FBN1: variants seen among roughly 807,000 people sequenced by gnomAD.
FBN1 encodes fibrillin-1.
A neutral mutation model predicts 365.1 loss-of-function variants in FBN1; 29 were observed. The ratio of observed to expected loss-of-function variants is 0.08; its 90% CI spans 0.06 to 0.11. The LOEUF is 0.11. Ranked by LOEUF, FBN1 falls within the 10% of genes least tolerant of loss-of-function variation. The pLI is 1.00. For missense variants in FBN1, 2,476 were observed against 3,703.2 expected, an observed-to-expected ratio of 0.67 and a Z score of 8.60; for synonymous variants, 1,210 against 1,270.5, an observed-to-expected ratio of 0.95 and a Z score of 1.01.
At chr15:48,464,147 A>G in intron 40 of FBN1, 126 bp from the exon 41 acceptor site, 3 of 887,092 alleles carry the variant, frequency 3.4e-6, no homozygotes, top group Non-Finnish European at 3.6e-6. Context: ...GATAACGAAA[A>G]TAGGTATTTC....
chr15:48,506,970 C>G (rs2043714021), intron 15 of FBN1, among the ~76,000 whole-genome samples: 2 of 152,072 alleles, frequency 1.3e-5, no homozygotes, highest in Non-Finnish European at 2.9e-5. Context: ...AAAGTCAGAA[C>G]AAACCATCCA....
chr15:48,499,230 A>G (rs1388148163), intron 17 of FBN1, among the ~76,000 whole-genome samples, 192 bp from the exon 18 acceptor site: 1 of 152,206 alleles, frequency 6.6e-6, no homozygotes, highest in Non-Finnish European at 1.5e-5. Context: ...ATCATCAAGG[A>G]AAACAACTTT....
intron 6 of FBN1, among the ~76,000 whole-genome samples, chr15:48,569,464 C>T (rs1216158577): frequency 2.0e-5 from 3 of 152,012 alleles, no homozygotes; most frequent in African/African-American, 7.2e-5. Flanking sequence ...AATTCTACAC[C>T]TAAATATCCA....
At position 48,427,941 on chromosome 15, in the gene FBN1, C is replaced by T. The variant is rs1021540886; in HGVS notation, c.6998-168G>A. The T allele has an allele frequency of 3.1e-5, 22 of 714,644 alleles. No individual in the cohort carries two copies. The highest frequency in any genetic ancestry group is 1.9e-4 in the East Asian group (7 of 37,152). The allele number at this position is 714,644 out of a possible 1,614,324, so 44.3% of individuals were successfully genotyped here. On this transcript the variant is annotated intron_variant, in intron 57 of 65. Coordinates refer to ENST00000316623, the MANE Select transcript of FBN1 (RefSeq NM_000138.5). ...GACAGCAGTAAAAGAGAAAGGATGA[C>T]GTCTGAGGGAAACAAATAAGACATT...
chr15:48,537,476 G>C, intron 7 of FBN1, 135 bp downstream of exon 7: 2 of 1,019,498 alleles, frequency 2.0e-6, no homozygotes, highest in Admixed American at 4.0e-5. Flanking sequence ...TGCCTTAGTT[G>C]GATATCATGC....
chr15:48,437,140 G>A (rs1404315272), intron 52 of FBN1, 63 bp from the exon 53 acceptor site: 10 of 1,244,276 alleles, frequency 8.0e-6, no homozygotes, highest in Non-Finnish European at 1.2e-5. Context: ...GATAAATTAT[G>A]ATCATTTCAG....
intron 65 of FBN1, among the ~76,000 whole-genome samples, chr15:48,411,708 G>C (rs1003929824): frequency 1.3e-5 from 2 of 152,238 alleles, no homozygotes; most frequent in South Asian, 2.1e-4. Context: ...CAGAACTACT[G>C]AATCAGAAAC....
chr15:48,632,225 C>T (rs1252255764), intron 2 of FBN1, among the ~76,000 whole-genome samples: 1 of 152,184 alleles, frequency 6.6e-6, no homozygotes, highest in Admixed American at 6.5e-5. Flanking sequence ...GGTTTGCCTC[C>T]TGTTTCTTAA....
chr15:48,501,415 G>A (rs1297077712), intron 17 of FBN1, among the ~76,000 whole-genome samples: 1 of 152,194 alleles, frequency 6.6e-6, no homozygotes, highest in African/African-American at 2.4e-5. Context: ...TTGGCAAGAA[G>A]GCCCCCCACA....
chr15:48,630,163 C>T (rs689304), intron 2 of FBN1, among the ~76,000 whole-genome samples: 12,197 of 152,252 alleles, frequency 0.08, 522 homozygotes, highest in Middle Eastern at 0.16. Context: ...TGACATGATT[C>T]ATTTTCATAA....
chr15:48,540,677 T>A (rs2141361949), intron 6 of FBN1, among the ~76,000 whole-genome samples: 1 of 152,284 alleles, frequency 6.6e-6, no homozygotes, highest in Middle Eastern at 3.4e-3. Flanking sequence ...ACTAGAAAGA[T>A]CACAGCAGTG....
chr15:48,455,942 G>GTT (rs2043234885), intron 44 of FBN1, among the ~76,000 whole-genome samples: 1 of 152,116 alleles, frequency 6.6e-6, no homozygotes, highest in South Asian at 2.1e-4. Flanking sequence ...GGCCTGAAGT[G>GTT]TAAGTATTAA....
Position 48,489,996 on chromosome 15 carries a change from G to A in FBN1, c.2937C>T (p.Ala979=), listed in dbSNP as rs2043543946. The change falls in exon 25 of 66, where the codon GCC becomes GCT. Residue 979 remains alanine, a synonymous_variant. Transcript: ENST00000316623. The stretch of plus-strand genomic sequence containing the variant: ...AGGCTGCCCCGACGGAGCAGCAGCA[G>A]GCGTCCATGCGGTGGCGGCCAGCAA... ...LPIAGRHRMD[A]CCCSVGAAWG... 1 of 1,614,144 alleles carries A rather than the reference G, an allele frequency of 6.2e-7. No homozygotes were observed. Among genetic ancestry groups the A allele is most frequent in the Middle Eastern group, 1.6e-4 (1 of 6,062 alleles).
intron 6 of FBN1, among the ~76,000 whole-genome samples, chr15:48,538,364 T>A (rs1027393898): frequency 1.3e-4 from 20 of 152,130 alleles, no homozygotes; most frequent in African/African-American, 4.8e-4. Context: ...TGAGTTGGGG[T>A]CATCTTATTT....
rs1329093781 is a variant in FBN1, at chr15:48,645,683, T to C, written c.-290A>G. 6.6e-6 allele frequency: 1 copy of C among 152,478 alleles called. No homozygotes were observed. The highest frequency in any genetic ancestry group is 2.4e-5 in the African/African-American group (1 of 41,470). 9.4% of individuals were successfully genotyped at this position (152,478 alleles called of 1,614,324 possible). On this transcript the variant is annotated 5_prime_UTR_variant, in exon 1 of 66. Transcript: ENST00000316623. ...TCGCAGCTGTCCCAGCTGTGGCTCCTGTCCGCTTGTGGCACCCACAGTCTC... is the reference window on the plus strand; with the variant it reads ...TCGCAGCTGTCCCAGCTGTGGCTCCCGTCCGCTTGTGGCACCCACAGTCTC...
intron 6 of FBN1, among the ~76,000 whole-genome samples, chr15:48,540,212 T>C (rs1156736723): frequency 1.3e-5 from 2 of 152,208 alleles, no homozygotes; most frequent in African/African-American, 4.8e-5. Context: ...TTATGTATTT[T>C]AATTCAAAAT....
chr15:48,467,804 T>C, intron 38 of FBN1, 134 bp downstream of exon 38: 1 of 831,084 alleles, frequency 1.2e-6, no homozygotes, highest in Non-Finnish European at 2.1e-6. Context: ...GAATTGGGAA[T>C]AAGGTCCCCT....
intron 6 of FBN1, among the ~76,000 whole-genome samples, chr15:48,584,656 G>A (rs1381151812): frequency 6.6e-6 from 1 of 152,100 alleles, no homozygotes; most frequent in African/African-American, 2.4e-5. Flanking sequence ...TTGGCAATGT[G>A]GAGAACACTG....
intron 53 of FBN1, 35 bp from the exon 54 acceptor site, chr15:48,434,748 G>T: frequency 6.2e-7 from 1 of 1,609,844 alleles, no homozygotes; most frequent in Non-Finnish European, 8.5e-7. Context: ...AAAACATGAT[G>T]AATTGAGATA....
Sources: gnomAD v4.1 joint callset for allele counts (sites outside exome capture counted in the v4.1 genomes callset) on GRCh38, gnomAD v4.1.1 for gene constraint, MANE v1.5 for transcripts, NCBI Gene and HGNC (gene_info 2026-07-23, HGNC 2026-07-21) for gene names.